Variants in DCDC2C observed in about 807,000 individuals in gnomAD.
DCDC2C encodes the protein doublecortin domain containing 2C, also known as doublecortin domain-containing protein 2C.
Under a neutral mutation model 45.0 loss-of-function variants are expected in DCDC2C, and 44 were observed. The ratio of observed to expected loss-of-function variants is 0.98; its 90% CI spans 0.77 to 1.26. The LOEUF (loss-of-function observed/expected upper bound fraction) is 1.26. DCDC2C is among the 50% of genes most tolerant of loss of function. The pLI is 0.00. For synonymous variants in DCDC2C, 187 were observed against 178.8 expected, an observed-to-expected ratio of 1.05 and a Z score of -0.37; for missense variants, 447 against 468.9, an observed-to-expected ratio of 0.95 and a Z score of 0.43.
chr2:3,739,466 C>A (rs1669131123), intron 3 of DCDC2C, among the ~76,000 whole-genome samples: 1 of 152,198 alleles, frequency 6.6e-6, no homozygotes, highest in African/African-American at 2.4e-5. Flanking sequence ...AATGGCTGGA[C>A]GTCGGGAGGA....
At chr2:3,762,080 A>G (rs1669893438) in intron 6 of DCDC2C, among the ~76,000 whole-genome samples, 1 of 151,364 alleles carries the variant, frequency 6.6e-6, no homozygotes, top group Non-Finnish European at 1.5e-5. Context: ...GGAGAGAAAT[A>G]TGGGTGTAAG....
chr2:3,703,964 G>A lies in DCDC2C; in HGVS notation c.213G>A (p.Arg71=), dbSNP rs1345045111. ...TCTTCACGCCCACGCGTGGGCACCG[G>A]GTGCTGGGGCTGGACGCGCTGCAGG... The part of the protein sequence containing the change: ...RRLFTPTRGH[R]VLGLDALQAG... Residue 71 remains arginine (R), a synonymous_variant, in exon 1 of 11, where the codon CGG becomes CGA. Coordinates refer to ENST00000399143, the MANE Select transcript of DCDC2C (RefSeq NM_001287444.2). The surrounding 1 kb of genome is among the most constrained non-coding windows in gnomAD (Gnocchi z 4.4). 11 of 1,314,206 alleles carry A rather than the reference G, an allele frequency of 8.4e-6. 1 individual carries two copies. Among genetic ancestry groups the A allele is most frequent in the Middle Eastern group, 5.7e-4 (2 of 3,528 alleles). The allele number at this position is 1,314,206 out of a possible 1,614,324, so 81.4% of individuals were successfully genotyped here. A position where few individuals can be genotyped will look rare whatever the true frequency, so the allele number is the denominator to read the frequency against.
intron 4 of DCDC2C, among the ~76,000 whole-genome samples, chr2:3,751,317 A>C (rs766260560): frequency 2.6e-5 from 4 of 152,196 alleles, no homozygotes; most frequent in Admixed American, 6.5e-5. Context: ...AAGTCCACCA[A>C]AGGGGACTGA....
chr2:3,815,961 TA>T (rs987930736), intron 10 of DCDC2C, among the ~76,000 whole-genome samples: 2 of 152,110 alleles, frequency 1.3e-5, no homozygotes, highest in African/African-American at 4.8e-5. Context: ...ACAAGAAAAA[TA>T]AAACAAAACA....
chr2:3,710,627 C>T (rs562293168), intron 2 of DCDC2C, among the ~76,000 whole-genome samples: 29 of 152,258 alleles, frequency 1.9e-4, no homozygotes, highest in Non-Finnish European at 2.9e-4. Context: ...TGCCCCATTC[C>T]CTCCGTCCGC....
intron 10 of DCDC2C, chr2:3,844,549 G>A (rs1461289189): frequency 1.3e-5 from 2 of 152,374 alleles, no homozygotes; most frequent in African/African-American, 4.8e-5. Flanking sequence ...AGAACAAAAT[G>A]TGAACCATGT....
At chr2:3,747,594 T>C (rs1418803872) in intron 4 of DCDC2C, among the ~76,000 whole-genome samples, 1 of 152,216 alleles carries the variant, frequency 6.6e-6, no homozygotes, top group Non-Finnish European at 1.5e-5. Context: ...AATCGCAGCA[T>C]AGGTGCAAGG....
rs528397079 is a variant in DCDC2C, at chr2:3,806,140, G to A, written c.1065+21040G>A. ...TGTGAGCCACCATGCCTGGCCTTCA[G>A]TTCATTTGTAAAGTCCTGTTCCCTG... On this transcript the variant is annotated intron_variant, in intron 10 of 10. Transcript: ENST00000399143. Among the ~76,000 whole-genome samples, 37 of 152,148 alleles carry A rather than the reference G, an allele frequency of 2.4e-4. 1 individual carries two copies. The South Asian group carries it at 6.6e-3, about 27-fold the overall frequency.
intron 10 of DCDC2C, among the ~76,000 whole-genome samples, chr2:3,840,143 G>A (rs1237940385): frequency 2.0e-5 from 3 of 152,258 alleles, no homozygotes; most frequent in African/African-American, 7.2e-5. Context: ...TTTAGTTTTG[G>A]TATTTTTCAT....
At chr2:3,814,346 T>C (rs1219464267) in intron 10 of DCDC2C, among the ~76,000 whole-genome samples, 2 of 152,212 alleles carry the variant, frequency 1.3e-5, no homozygotes, top group Non-Finnish European at 2.9e-5. Flanking sequence ...TTCACAAAGT[T>C]CTTGTGCTGT....
At chr2:3,776,860 G>A (rs1670355637) in intron 8 of DCDC2C, among the ~76,000 whole-genome samples, 1 of 152,200 alleles carries the variant, frequency 6.6e-6, no homozygotes. Context: ...TTCTCTGCAT[G>A]AATGACACCC....
chr2:3,769,711 C>T (rs1207873298), intron 8 of DCDC2C, among the ~76,000 whole-genome samples: 1 of 152,212 alleles, frequency 6.6e-6, no homozygotes. Flanking sequence ...CTACTGACTC[C>T]ATAAGGAAAG....
intron 10 of DCDC2C, among the ~76,000 whole-genome samples, chr2:3,826,809 G>A (rs2148229777): frequency 6.6e-6 from 1 of 152,182 alleles, no homozygotes; most frequent in African/African-American, 2.4e-5. Flanking sequence ...GATCCTATGA[G>A]ATAATATGTC....
chr2:3,732,596 A>C (rs1273195972), intron 3 of DCDC2C, among the ~76,000 whole-genome samples: 1 of 152,152 alleles, frequency 6.6e-6, no homozygotes, highest in Non-Finnish European at 1.5e-5. Flanking sequence ...AAACTGTGTA[A>C]AGGCTGATCA....
intron 6 of DCDC2C, among the ~76,000 whole-genome samples, chr2:3,758,591 G>A (rs951711390): frequency 3.9e-5 from 6 of 152,144 alleles, no homozygotes. Context: ...CAGGGAGGTC[G>A]ACACACAAAG....
chr2:3,712,132 C>T (rs887840084), intron 2 of DCDC2C, among the ~76,000 whole-genome samples: 2 of 152,098 alleles, frequency 1.3e-5, no homozygotes, highest in Non-Finnish European at 2.9e-5. Context: ...GAGCTTTGGC[C>T]GACACACATG....
chr2:3,786,019 G>T (rs115799947), intron 10 of DCDC2C, among the ~76,000 whole-genome samples: 1,663 of 152,350 alleles, frequency 0.011, 16 homozygotes, highest in Non-Finnish European at 0.018. Flanking sequence ...CTCCAGGAGA[G>T]AATATGTGTA....
At chr2:3,809,816 T>G (rs1469809577) in intron 10 of DCDC2C, among the ~76,000 whole-genome samples, 1 of 152,102 alleles carries the variant, frequency 6.6e-6, no homozygotes, top group Non-Finnish European at 1.5e-5. Flanking sequence ...ATTGTTCAAC[T>G]CCCACTTATG....
At chr2:3,706,786 G>A (rs1247783115) in intron 1 of DCDC2C, among the ~76,000 whole-genome samples, 1 of 152,248 alleles carries the variant, frequency 6.6e-6, no homozygotes, top group African/African-American at 2.4e-5. Flanking sequence ...GGGTGGAGAG[G>A]AAGTTGTGAT....
Sources: allele counts gnomAD v4.1 joint callset (sites outside exome capture counted in the v4.1 genomes callset), GRCh38; gene constraint gnomAD v4.1.1; non-coding constraint Gnocchi (gnomAD v3.1); transcripts MANE v1.5; gene names NCBI Gene and HGNC (gene_info 2026-07-23, HGNC 2026-07-21).